The following UBAP2L variants were observed in gnomAD, a reference collection of about 807,000 sequenced individuals.
UBAP2L encodes ubiquitin associated protein 2 like, also known as ubiquitin-associated protein 2-like.
Under a neutral mutation model 130.6 loss-of-function variants are expected in UBAP2L, and 12 were observed. The observed-to-expected ratio is 0.09, with a 90% CI of 0.06 to 0.15. UBAP2L has a LOEUF of 0.15. Among genes scored for constraint, UBAP2L ranks in the 10% least tolerant of loss-of-function variants. The pLI, the probability that UBAP2L is intolerant of heterozygous loss-of-function variation, is 1.00. For synonymous variants in UBAP2L, 503 were observed against 524.7 expected (o/e 0.96, Z 0.57); for missense variants, 965 against 1,332.5 (o/e 0.72, Z 4.29).
intron 26 of UBAP2L, chr1:154,269,235 T>G: frequency 3.9e-6 from 4 of 1,014,884 alleles, no homozygotes; most frequent in Non-Finnish European, 5.9e-6. Flanking sequence ...CAGACCTGGG[T>G]CACACCTTCC....
chr1:154,220,175 T>G, upstream of UBAP2L: 1 of 878,984 alleles, frequency 1.1e-6, no homozygotes, highest in Non-Finnish European at 1.8e-6. Context: ...CGAGGGCGGG[T>G]CGGCCCGACT....
Position 154,235,311 on chromosome 1 carries a change from A to T in UBAP2L, c.544+20A>T, listed in dbSNP as rs745765867. The stretch of plus-strand genomic sequence containing the variant: ...GCAGAGGTGATCAGTTTGTTGGGGG[A>T]TGGATATTGGGGGCAGGTTACTCTT... On this transcript the variant is annotated intron_variant, in intron 6 of 26. Transcript: ENST00000428931. 1.5e-5 allele frequency: 11 copies of T among 743,002 alleles called. No individual in the cohort carries two copies. Among genetic ancestry groups the T allele is most frequent in the South Asian group, 1.5e-4 (10 of 68,006 alleles). The allele number at this position is 743,002 out of a possible 1,614,324, so 46.0% of individuals were successfully genotyped here.
At chr1:154,237,002 T>C in intron 7 of UBAP2L, 22 bp from the exon 8 acceptor site, 1 of 1,595,606 alleles carries the variant, frequency 6.3e-7, no homozygotes, top group Non-Finnish European at 8.6e-7. Context: ...GGTCAGAGAC[T>C]CTTAAGTTTT....
rs888385042 is a variant in UBAP2L at position 154,239,588 on chromosome 1, G to C, written c.704-1925G>C. On this transcript the variant is annotated intron_variant, in intron 8 of 26. Transcript: ENST00000428931. ...TATTCTGTTCCTTAATGCTTCCTCA[G>C]CTCTCTCTCTTCCTCAGCCATGACC... Among the ~76,000 whole-genome samples the C allele has an allele frequency of 2.6e-5, 4 of 152,058 alleles. No homozygotes were observed. The South Asian group carries it at 8.3e-4, about 32-fold the overall frequency.
At chr1:154,259,629 C>A in intron 21 of UBAP2L, 1 of 381,858 alleles carries the variant, frequency 2.6e-6, no homozygotes, top group Non-Finnish European at 4.9e-6. Flanking sequence ...ATCGAATGAT[C>A]TGTTTTCTCA....
intron 14 of UBAP2L, among the ~76,000 whole-genome samples, chr1:154,252,906 A>G (rs1678266154): frequency 6.6e-6 from 1 of 152,056 alleles, no homozygotes; most frequent in Non-Finnish European, 1.5e-5. Context: ...GAATTCTCTA[A>G]AATGAGTGTG....
intron 15 of UBAP2L, among the ~76,000 whole-genome samples, 166 bp downstream of exon 15, chr1:154,254,255 A>G (rs1678865151): frequency 6.6e-6 from 1 of 152,200 alleles, no homozygotes; most frequent in Admixed American, 6.5e-5. Context: ...AAAAGTTCTT[A>G]TCAGCAAACC....
At chr1:154,248,127 T>C (rs2148839817) in intron 11 of UBAP2L, among the ~76,000 whole-genome samples, 2 of 152,064 alleles carry the variant, frequency 1.3e-5, no homozygotes, top group South Asian at 4.2e-4. Flanking sequence ...GCCACCACGC[T>C]TGGCTAATTT....
chr1:154,248,442 GT>G (rs1676342784), intron 11 of UBAP2L, among the ~76,000 whole-genome samples: 1 of 152,062 alleles, frequency 6.6e-6, no homozygotes, highest in Non-Finnish European at 1.5e-5. Flanking sequence ...TTTCTTTTGA[GT>G]TTTTTTAATG....
intron 12 of UBAP2L, among the ~76,000 whole-genome samples, chr1:154,249,883 A>T: frequency 6.6e-6 from 1 of 150,894 alleles, no homozygotes; most frequent in Admixed American, 6.6e-5. Flanking sequence ...AAAAAAAAAG[A>T]AAAATTTTTA....
intron 11 of UBAP2L, among the ~76,000 whole-genome samples, chr1:154,248,598 C>T (rs868450596): frequency 1.3e-5 from 2 of 152,092 alleles, no homozygotes; most frequent in Admixed American, 6.6e-5. Context: ...GGGTGGATCA[C>T]GAGGTCAGGA....
chr1:154,228,770 G>C, intron 4 of UBAP2L, 45 bp downstream of exon 4: 1 of 1,455,594 alleles, frequency 6.9e-7, no homozygotes, highest in Non-Finnish European at 9.5e-7. Flanking sequence ...CCTCAATTGG[G>C]AGGCTAGTAA....
At chr1:154,263,834 G>A (rs568029523) in intron 24 of UBAP2L, among the ~76,000 whole-genome samples, 10 of 152,306 alleles carry the variant, frequency 6.6e-5, no homozygotes, top group Non-Finnish European at 1.5e-4. Flanking sequence ...CATGGTGAAA[G>A]GCAAAAGAGA....
At chr1:154,268,340 G>A (rs912739924) in intron 25 of UBAP2L, among the ~76,000 whole-genome samples, 2 of 151,822 alleles carry the variant, frequency 1.3e-5, no homozygotes, top group African/African-American at 2.4e-5. Context: ...ACAGGCGCCC[G>A]CCACCATGCC....
At chr1:154,249,846 T>G (rs1307885432) in intron 12 of UBAP2L, among the ~76,000 whole-genome samples, 1 of 146,658 alleles carries the variant, frequency 6.8e-6, no homozygotes, top group Non-Finnish European at 1.5e-5. Context: ...GGTGAGCTAG[T>G]GTGAAGCTAG....
chr1:154,262,179 G>A (rs769930994), intron 24 of UBAP2L, among the ~76,000 whole-genome samples: 23 of 152,176 alleles, frequency 1.5e-4, no homozygotes, highest in Non-Finnish European at 2.9e-4. Context: ...CTAGCTAGAA[G>A]ACCTAAACTG....
intron 4 of UBAP2L, among the ~76,000 whole-genome samples, chr1:154,229,966 T>G (rs982737596): frequency 3.9e-5 from 6 of 151,978 alleles, no homozygotes; most frequent in African/African-American, 1.4e-4. Context: ...AGTGATCCTG[T>G]GCCTCAGCCT....
intron 4 of UBAP2L, among the ~76,000 whole-genome samples, chr1:154,231,314 T>A (rs1360396356): frequency 2.0e-5 from 3 of 151,048 alleles, no homozygotes; most frequent in Admixed American, 2.0e-4. Context: ...TTTTTTCTTT[T>A]TTTTGAGATG....
Position 154,259,547 on chromosome 1 carries a change from C to T in UBAP2L, c.2497-401C>T, listed in dbSNP as rs761331594. On this transcript the variant is annotated intron_variant, in intron 21 of 26. Transcript: ENST00000428931. Reference sequence around the variant, plus strand: ...TGGCATCTTAGTAAATACATTTTAACCTATTCTATAGCCCAGTAAAGTACT... The same window carrying T: ...TGGCATCTTAGTAAATACATTTTAATCTATTCTATAGCCCAGTAAAGTACT... Among the ~76,000 whole-genome samples, 312 of 151,330 alleles carry T rather than the reference C, an allele frequency of 2.1e-3. 1 individual carries two copies. Among genetic ancestry groups the T allele is most frequent in the Non-Finnish European group, 2.8e-3 (190 of 67,878 alleles).
Sources: gnomAD v4.1 joint callset for allele counts (sites outside exome capture counted in the v4.1 genomes callset) on GRCh38, gnomAD v4.1.1 for gene constraint, MANE v1.5 for transcripts, NCBI Gene and HGNC (gene_info 2026-07-23, HGNC 2026-07-21) for gene names.